The following ERBB4 variants were observed in gnomAD, a reference collection of about 807,000 sequenced individuals.
ERBB4 encodes erb-b2 receptor tyrosine kinase 4.
A neutral mutation model predicts 158.0 loss-of-function variants in ERBB4; 42 were observed. The ratio of observed to expected loss-of-function variants is 0.27; its 90% CI spans 0.21 to 0.34. ERBB4 has a LOEUF of 0.34. Among genes scored for constraint, ERBB4 ranks in the 10% least tolerant of loss-of-function variants. ERBB4 has a pLI of 1.00. For missense variants in ERBB4, 1,333 were observed against 1,624.1 expected, an observed-to-expected ratio of 0.82 and a Z score of 3.08; for synonymous variants, 583 against 558.7, an observed-to-expected ratio of 1.04 and a Z score of -0.61.
chr2:212,356,173 C>T (rs1224404081), intron 1 of ERBB4, among the ~76,000 whole-genome samples: 3 of 152,102 alleles, frequency 2.0e-5, no homozygotes, highest in Admixed American at 6.6e-5. Flanking sequence ...AAATATTACT[C>T]GCTGTTCCAA....
At chr2:211,891,454 G>A (rs1575327754) in intron 3 of ERBB4, among the ~76,000 whole-genome samples, 1 of 113,906 alleles carries the variant, frequency 8.8e-6, no homozygotes, top group African/African-American at 3.9e-5. Flanking sequence ...AGAGAAAGCA[G>A]GGAAGATCCA....
chr2:212,093,094 A>G (rs1250029276), intron 2 of ERBB4, among the ~76,000 whole-genome samples: 6 of 152,212 alleles, frequency 3.9e-5, no homozygotes, highest in Non-Finnish European at 7.3e-5. Context: ...TCTCTTTTAC[A>G]TGGAAAATGC....
chr2:212,410,410 T>C (rs1409715665), intron 1 of ERBB4, among the ~76,000 whole-genome samples: 2 of 152,064 alleles, frequency 1.3e-5, no homozygotes, highest in African/African-American at 4.8e-5. Context: ...AGCTAAAATA[T>C]ATGGAACATA....
At chr2:211,528,576 A>C (rs1194510981) in intron 20 of ERBB4, among the ~76,000 whole-genome samples, 1 of 152,044 alleles carries the variant, frequency 6.6e-6, no homozygotes, top group Non-Finnish European at 1.5e-5. Context: ...CTCAGCATAC[A>C]AATTATTCCT....
Position 211,377,750 on chromosome 2 carries a change from G to A in ERBB4, c.*5865C>T, listed in dbSNP as rs1467039505. ...AAATAACTTCTTGGTTATATGTACAGCTTTTATGTAAAGATTAAATCGAAG... is the reference window on the plus strand; with the variant it reads ...AAATAACTTCTTGGTTATATGTACAACTTTTATGTAAAGATTAAATCGAAG... On this transcript the variant is annotated 3_prime_UTR_variant, in exon 28 of 28. Coordinates refer to ENST00000342788, the MANE Select transcript of ERBB4 (RefSeq NM_005235.3). 1 of 232,320 alleles carries A rather than the reference G, an allele frequency of 4.3e-6. No individual in the cohort carries two copies. The highest frequency in any genetic ancestry group is 2.2e-5 in the African/African-American group (1 of 45,284). The allele number at this position is 232,320 out of a possible 1,614,324, so 14.4% of individuals were successfully genotyped here.
At chr2:212,500,992 T>TA (rs1225842305) in intron 1 of ERBB4, among the ~76,000 whole-genome samples, 1 of 152,066 alleles carries the variant, frequency 6.6e-6, no homozygotes, top group Non-Finnish European at 1.5e-5. Context: ...AATTCATAAA[T>TA]ATCAAAAGAC....
intron 1 of ERBB4, among the ~76,000 whole-genome samples, chr2:212,242,421 A>C (rs917706563): frequency 1.3e-5 from 2 of 152,160 alleles, no homozygotes; most frequent in African/African-American, 4.8e-5. Context: ...AAATAACTTT[A>C]GAGTCATAAA....
chr2:211,946,181 C>T (rs1219176455), intron 3 of ERBB4, among the ~76,000 whole-genome samples: 1 of 151,974 alleles, frequency 6.6e-6, no homozygotes. Context: ...ACCATTATTT[C>T]ATCAACTCTA....
At chr2:211,955,959 A>C (rs839515) in intron 2 of ERBB4, among the ~76,000 whole-genome samples, 61,704 of 151,748 alleles carry the variant, frequency 0.41, 14,438 homozygotes, top group African/African-American at 0.64. Context: ...TTTACATAAT[A>C]ACACAAACTT....
chr2:211,923,082 A>G (rs1326712172), intron 3 of ERBB4, among the ~76,000 whole-genome samples: 2 of 152,108 alleles, frequency 1.3e-5, no homozygotes, highest in African/African-American at 4.8e-5. Flanking sequence ...TGGATTTTTG[A>G]GTCTGAGATT....
chr2:211,643,116 C>T (rs1161974694), intron 16 of ERBB4, among the ~76,000 whole-genome samples: 3 of 152,108 alleles, frequency 2.0e-5, no homozygotes, highest in Non-Finnish European at 4.4e-5. Flanking sequence ...TCCATTACCC[C>T]TAACACACTA....
chr2:211,949,851 T>G (rs1045077302), intron 2 of ERBB4, among the ~76,000 whole-genome samples: 15 of 152,160 alleles, frequency 9.9e-5, no homozygotes, highest in Non-Finnish European at 1.8e-4. Flanking sequence ...ATTCTCATAT[T>G]TTCCCATTAC....
intron 1 of ERBB4, among the ~76,000 whole-genome samples, chr2:212,153,604 A>T (rs1021274505): frequency 3.9e-4 from 59 of 152,286 alleles, no homozygotes; most frequent in Non-Finnish European, 7.6e-4. Context: ...TCTTAAATTC[A>T]ACCATAGGTT....
At chr2:211,775,498 C>G (rs2075850251) in intron 4 of ERBB4, among the ~76,000 whole-genome samples, 1 of 152,082 alleles carries the variant, frequency 6.6e-6, no homozygotes, top group African/African-American at 2.4e-5. Flanking sequence ...ACATTTTTAG[C>G]AAGGTTTGGG....
chr2:212,282,095 T>C (rs76417516), intron 1 of ERBB4, among the ~76,000 whole-genome samples: 7,050 of 151,946 alleles, frequency 0.046, 219 homozygotes, highest in African/African-American at 0.088. Context: ...TCTCAGGTTA[T>C]CATAATATTC....
chr2:211,482,168 C>T (rs1046223282), intron 20 of ERBB4, among the ~76,000 whole-genome samples: 2 of 152,180 alleles, frequency 1.3e-5, no homozygotes, highest in Admixed American at 6.5e-5. Flanking sequence ...GAGTGTCCCT[C>T]TTTGAGGATT....
At position 212,155,591 on chromosome 2, in the gene ERBB4, C is replaced by T. The variant is rs138735835; in HGVS notation, c.83-30688G>A. 6.6e-3 allele frequency among the ~76,000 whole-genome samples: 1,006 copies of T among 152,122 alleles called. 7 individuals are homozygous for T. Among genetic ancestry groups the T allele is most frequent in the Middle Eastern group, 0.024 (7 of 294 alleles). ...CAAATAATTATCATGCATACTGTAA[C>T]CCAAGAAGCGAGAGGTTCTTAAACG... On this transcript the variant is annotated intron_variant, in intron 1 of 27. Coordinates refer to ENST00000342788, the MANE Select transcript of ERBB4 (RefSeq NM_005235.3).
chr2:212,090,269 T>G (rs1017807812), intron 2 of ERBB4, among the ~76,000 whole-genome samples: 11 of 152,192 alleles, frequency 7.2e-5, no homozygotes, highest in Non-Finnish European at 1.5e-4. Flanking sequence ...ATGTTAAAAT[T>G]ATAAGCCTAT....
At chr2:212,413,134 A>ATTT (rs370397826) in intron 1 of ERBB4, among the ~76,000 whole-genome samples, 27 of 101,210 alleles carry the variant, frequency 2.7e-4, no homozygotes, top group African/African-American at 6.4e-4. Flanking sequence ...TGCGTGGCTA[A>ATTT]TTTTTTTTTT....
Sources: gnomAD v4.1 joint callset for allele counts (sites outside exome capture counted in the v4.1 genomes callset) on GRCh38, gnomAD v4.1.1 for gene constraint, MANE v1.5 for transcripts, NCBI Gene and HGNC (gene_info 2026-07-23, HGNC 2026-07-21) for gene names.